The following WDR70 variants were observed in gnomAD, a reference collection of about 807,000 sequenced individuals.
WDR70 encodes the protein WD repeat-containing protein 70.
WDR70 carries 53 observed loss-of-function variants against 88.6 expected under a neutral mutation model. The ratio of observed to expected loss-of-function variants is 0.60; its 90% CI spans 0.48 to 0.75. WDR70 has a LOEUF of 0.75. WDR70 is among the 30% of genes least tolerant of loss of function. The probability of loss-of-function intolerance (pLI) is 0.00; values close to 1 mark genes in which losing one functional copy is unlikely to be tolerated. For synonymous variants in WDR70, 280 were observed against 270.0 expected (o/e 1.04, Z -0.36); for missense variants, 610 against 823.2 (o/e 0.74, Z 3.17).
intron 10 of WDR70, among the ~76,000 whole-genome samples, chr5:37,666,841 T>C (rs1581477610): frequency 2.0e-5 from 3 of 152,296 alleles, no homozygotes; most frequent in Admixed American, 2.0e-4. Context: ...ATGTCTAGGG[T>C]AACTAACCTT....
At chr5:37,400,045 G>A (rs1447065248) in intron 5 of WDR70, among the ~76,000 whole-genome samples, 3 of 152,130 alleles carry the variant, frequency 2.0e-5, no homozygotes, top group Non-Finnish European at 4.4e-5. Flanking sequence ...TGATTCTCCT[G>A]CCTCAGCTTC....
intron 10 of WDR70, among the ~76,000 whole-genome samples, chr5:37,677,906 C>G (rs1464145173): frequency 1.3e-5 from 2 of 152,184 alleles, no homozygotes; most frequent in Non-Finnish European, 2.9e-5. Context: ...CTTTATGAAT[C>G]TGGGTGCTCC....
chr5:37,573,033 T>C (rs1448992882), intron 9 of WDR70, among the ~76,000 whole-genome samples: 1 of 152,210 alleles, frequency 6.6e-6, no homozygotes. Flanking sequence ...TTTTCACTCT[T>C]CTGACAAACT....
At chr5:37,396,234 G>A (rs1262028622) in intron 4 of WDR70, 141 bp from the exon 5 acceptor site, 2 of 1,195,392 alleles carry the variant, frequency 1.7e-6, no homozygotes, top group African/African-American at 1.6e-5. Context: ...AACATTTAAT[G>A]TTTGAACTAC....
At chr5:37,475,978 T>C (rs1326357788) in intron 7 of WDR70, among the ~76,000 whole-genome samples, 1 of 151,720 alleles carries the variant, frequency 6.6e-6, no homozygotes, top group African/African-American at 2.4e-5. Flanking sequence ...CCTGAGTAGC[T>C]GGAATTAAAG....
chr5:37,718,522 A>G (rs1270849919), intron 13 of WDR70, among the ~76,000 whole-genome samples: 2 of 152,184 alleles, frequency 1.3e-5, no homozygotes, highest in Non-Finnish European at 2.9e-5. Context: ...TGGGCCATTT[A>G]TGGGTGGCTG....
At chr5:37,716,570 T>C (rs1747661437) in intron 13 of WDR70, among the ~76,000 whole-genome samples, 1 of 152,176 alleles carries the variant, frequency 6.6e-6, no homozygotes, top group African/African-American at 2.4e-5. Flanking sequence ...CTCCTCTATG[T>C]GCGAGTTATT....
intron 10 of WDR70, among the ~76,000 whole-genome samples, chr5:37,689,166 TAAAC>T (rs1746703655): frequency 6.6e-6 from 1 of 152,120 alleles, no homozygotes; most frequent in African/African-American, 2.4e-5. Flanking sequence ...CTTGAGTAGG[TAAAC>T]AAAGCAGCTA....
chr5:37,694,776 C>G (rs577559029), intron 10 of WDR70, among the ~76,000 whole-genome samples: 2 of 152,000 alleles, frequency 1.3e-5, no homozygotes, highest in South Asian at 4.2e-4. Flanking sequence ...AGCAAACCAC[C>G]ATGGCACATG....
intron 8 of WDR70, among the ~76,000 whole-genome samples, chr5:37,484,492 C>T (rs1208154355): frequency 2.0e-5 from 3 of 152,074 alleles, no homozygotes; most frequent in Non-Finnish European, 4.4e-5. Flanking sequence ...TGCATTGAGC[C>T]GAGATGGCAG....
intron 9 of WDR70, among the ~76,000 whole-genome samples, chr5:37,520,520 T>C (rs181266140): frequency 3.2e-4 from 48 of 152,246 alleles, no homozygotes; most frequent in African/African-American, 1.1e-3. Flanking sequence ...TATGTTTGTT[T>C]AAAGTTATGT....
intron 8 of WDR70, among the ~76,000 whole-genome samples, chr5:37,490,363 G>C (rs2112190119): frequency 6.6e-6 from 1 of 152,170 alleles, no homozygotes; most frequent in East Asian, 1.9e-4. Context: ...TCTGCTAAGG[G>C]GAAGGCTCAA....
intron 17 of WDR70, among the ~76,000 whole-genome samples, chr5:37,748,988 A>C (rs1748717655): frequency 6.6e-6 from 1 of 152,208 alleles, no homozygotes; most frequent in Non-Finnish European, 1.5e-5. Context: ...GAGAAATAGG[A>C]ACACTTTTAT....
At chr5:37,469,220 C>G (rs1561863984) in intron 7 of WDR70, among the ~76,000 whole-genome samples, 1 of 152,072 alleles carries the variant, frequency 6.6e-6, no homozygotes. Context: ...GTGCCCATAG[C>G]TAGGGTGGCA....
rs550253145 is a variant in WDR70 at position 37,412,450 on chromosome 5, AT to A, written c.492+15892del. On this transcript the variant is annotated intron_variant, in intron 5 of 17. Transcript: ENST00000265107. ...TTTCTATTACTTGTTCATGATTCTA[AT>A]TTTTTTTTTTTAGGGATGAAGGAGG... 5.4e-4 allele frequency among the ~76,000 whole-genome samples: 79 copies of A among 146,940 alleles called. 1 individual carries two copies. Among genetic ancestry groups the A allele is most frequent in the South Asian group, 5.2e-3 (24 of 4,630 alleles).
At chr5:37,557,961 T>TAGTACTCTTTTGAGAACTCTTCATAAGA (rs1742360947) in intron 9 of WDR70, among the ~76,000 whole-genome samples, 1 of 148,286 alleles carries the variant, frequency 6.7e-6, no homozygotes, top group Admixed American at 6.7e-5. Context: ...AAGAGTATTA[T>TAGTACTCTTTTGAGAACTCTTCATAAGA]GTATATTTAT....
chr5:37,724,802 C>G, intron 15 of WDR70, 132 bp from the exon 16 acceptor site: 1 of 925,426 alleles, frequency 1.1e-6, no homozygotes. Flanking sequence ...TACAGTAAGA[C>G]TGTCTTTTAT....
intron 10 of WDR70, among the ~76,000 whole-genome samples, chr5:37,684,798 G>A (rs1298355868): frequency 1.3e-5 from 2 of 152,242 alleles, no homozygotes; most frequent in African/African-American, 4.8e-5. Context: ...AACAGCAACA[G>A]TAGCAGCAGT....
intron 9 of WDR70, among the ~76,000 whole-genome samples, chr5:37,544,778 G>C (rs764618793): frequency 8.5e-5 from 13 of 152,108 alleles, no homozygotes; most frequent in Non-Finnish European, 1.3e-4. Flanking sequence ...TGGATGTGAG[G>C]GTTTCTCTTA....
Sources: allele counts gnomAD v4.1 joint callset (sites outside exome capture counted in the v4.1 genomes callset), GRCh38; gene constraint gnomAD v4.1.1; transcripts MANE v1.5; gene names NCBI Gene and HGNC (gene_info 2026-07-23, HGNC 2026-07-21).